UBE2W: variants seen among roughly 807,000 people sequenced by gnomAD.
UBE2W encodes the protein ubiquitin-conjugating enzyme E2 W.
Under a neutral mutation model 27.2 loss-of-function variants are expected in UBE2W, and 18 were observed. That is an observed-to-expected ratio of 0.66 (90% CI 0.46 to 0.98). UBE2W has a LOEUF of 0.98. Ranked by LOEUF, UBE2W falls within the 50% of genes least tolerant of loss-of-function variation. UBE2W has a pLI of 0.00. For synonymous variants in UBE2W, 53 were observed against 57.2 expected (o/e 0.93, Z 0.33); for missense variants, 90 against 180.2 (o/e 0.50, Z 2.87).
intron 4 of UBE2W, 94 bp from the exon 5 acceptor site, chr8:73,805,820 T>A: frequency 1.6e-6 from 1 of 626,040 alleles, no homozygotes. Context: ...ACAGAATGCA[T>A]AAAAAACAAT....
At chr8:73,832,961 G>A (rs962267023) in intron 1 of UBE2W, among the ~76,000 whole-genome samples, 31 of 152,212 alleles carry the variant, frequency 2.0e-4, no homozygotes, top group Admixed American at 1.7e-3. Context: ...AGGCCAAGGC[G>A]GGAGGATCGC....
intron 2 of UBE2W, among the ~76,000 whole-genome samples, chr8:73,827,653 C>T (rs1464359124): frequency 6.6e-6 from 1 of 152,128 alleles, no homozygotes; most frequent in Non-Finnish European, 1.5e-5. Context: ...CCTCAGACTC[C>T]CAAGTAGCTG....
intron 1 of UBE2W, among the ~76,000 whole-genome samples, chr8:73,859,207 T>C (rs1022180168): frequency 6.6e-6 from 1 of 152,134 alleles, no homozygotes; most frequent in Non-Finnish European, 1.5e-5. Context: ...ATAACAAGGA[T>C]AAAGATTTTT....
chr8:73,878,263 G>C lies in UBE2W; in HGVS notation c.15+545C>G, dbSNP rs544729607. Among the ~76,000 whole-genome samples, 44 of 152,352 alleles carry C rather than the reference G, an allele frequency of 2.9e-4. 2 individuals are homozygous for C. In the South Asian group the frequency reaches 8.7e-3, roughly 30 times the overall value. ...GGATTAAGAGTCAAAGGGAAGAAGAGAGGGACGGGGCCGAGCAGTCTGGGG... is the reference window on the plus strand; with the variant it reads ...GGATTAAGAGTCAAAGGGAAGAAGACAGGGACGGGGCCGAGCAGTCTGGGG... On this transcript the variant is annotated intron_variant, in intron 1 of 5. Transcript: ENST00000602593.
intron 1 of UBE2W, among the ~76,000 whole-genome samples, chr8:73,867,331 T>A (rs560508488): frequency 4.5e-4 from 69 of 152,204 alleles, no homozygotes; most frequent in African/African-American, 1.4e-3. Context: ...GCTCAAGAGA[T>A]AGAGACTATC....
At chr8:73,842,370 A>G (rs1266216196) in intron 1 of UBE2W, among the ~76,000 whole-genome samples, 1 of 151,694 alleles carries the variant, frequency 6.6e-6, no homozygotes, top group Non-Finnish European at 1.5e-5. Flanking sequence ...TCGACTAAAA[A>G]TACAAAAAAT....
intron 1 of UBE2W, among the ~76,000 whole-genome samples, chr8:73,834,427 A>T (rs1810220611): frequency 6.6e-6 from 1 of 152,224 alleles, no homozygotes; most frequent in Non-Finnish European, 1.5e-5. Flanking sequence ...CTTCAACAGA[A>T]CTTTCCATAT....
chr8:73,825,978 T>C (rs753544447), intron 2 of UBE2W, among the ~76,000 whole-genome samples: 38 of 152,118 alleles, frequency 2.5e-4, no homozygotes, highest in Non-Finnish European at 5.1e-4. Flanking sequence ...GTGGAAGCCA[T>C]GGAGAAATAC....
At chr8:73,814,663 C>T (rs1278102606) in intron 3 of UBE2W, among the ~76,000 whole-genome samples, 2 of 152,018 alleles carry the variant, frequency 1.3e-5, no homozygotes, top group African/African-American at 2.4e-5. Context: ...GGATTACAGG[C>T]GCACACCACC....
chr8:73,810,765 A>C (rs1809119497), intron 3 of UBE2W, 136 bp from the exon 4 acceptor site: 1 of 591,634 alleles, frequency 1.7e-6, no homozygotes, highest in Non-Finnish European at 2.6e-6. Context: ...ATGATAAACA[A>C]CTGCTTATTT....
chr8:73,860,520 A>C (rs1041120433), intron 1 of UBE2W, among the ~76,000 whole-genome samples: 1 of 152,172 alleles, frequency 6.6e-6, no homozygotes, highest in Non-Finnish European at 1.5e-5. Flanking sequence ...TAATAAAGAC[A>C]AAGTGTCTTT....
rs1191378035 is a variant in UBE2W, at chr8:73,788,861, C to T, written c.*5241G>A. 1 of 985,206 alleles carries T rather than the reference C, an allele frequency of 1.0e-6. No individual in the cohort carries two copies. The highest frequency in any genetic ancestry group is 1.7e-5 in the African/African-American group (1 of 57,190). 61.0% of individuals were successfully genotyped at this position (985,206 alleles called of 1,614,324 possible). ...TTTTCCCAGTCAACTCCTCACTCAC[C>T]ATATTAAAACTGGAGTTCTTGAGGT... On this transcript the variant is annotated 3_prime_UTR_variant, in exon 6 of 6. Coordinates refer to ENST00000602593, the MANE Select transcript of UBE2W (RefSeq NM_018299.6).
intron 5 of UBE2W, chr8:73,796,714 A>G: frequency 1.1e-6 from 1 of 943,398 alleles, no homozygotes; most frequent in African/African-American, 1.8e-5. Context: ...AGAGTTTATA[A>G]GCAAACTTTA....
At chr8:73,867,101 A>T (rs1233076561) in intron 1 of UBE2W, among the ~76,000 whole-genome samples, 2 of 152,172 alleles carry the variant, frequency 1.3e-5, no homozygotes, top group Non-Finnish European at 2.9e-5. Flanking sequence ...TAATTCAACG[A>T]AATGACAAAT....
intron 1 of UBE2W, among the ~76,000 whole-genome samples, chr8:73,842,687 T>C (rs1313400253): frequency 6.6e-6 from 1 of 151,494 alleles, no homozygotes; most frequent in African/African-American, 2.4e-5. Flanking sequence ...ACACAACATA[T>C]AAATGCACAC....
intron 2 of UBE2W, among the ~76,000 whole-genome samples, chr8:73,826,447 A>G (rs1211649576): frequency 2.0e-5 from 3 of 152,232 alleles, no homozygotes; most frequent in African/African-American, 7.2e-5. Flanking sequence ...TATTTAAAAT[A>G]CAAGAAAACA....
chr8:73,851,476 T>TAA (rs919030228), intron 1 of UBE2W, among the ~76,000 whole-genome samples: 17 of 152,306 alleles, frequency 1.1e-4, no homozygotes, highest in African/African-American at 3.9e-4. Flanking sequence ...TATACATTTT[T>TAA]AAAAATTAAA....
intron 2 of UBE2W, among the ~76,000 whole-genome samples, chr8:73,827,622 T>A (rs1809904876): frequency 6.6e-6 from 1 of 152,216 alleles, no homozygotes; most frequent in East Asian, 1.9e-4. Context: ...CTTGACCTCC[T>A]GGGCTCAAGT....
Position 73,790,889 on chromosome 8 carries a change from A to AATT in UBE2W, c.*3210_*3212dup, listed in dbSNP as rs1808161912. On this transcript the variant is annotated 3_prime_UTR_variant, in exon 6 of 6. Coordinates refer to ENST00000602593, the MANE Select transcript of UBE2W (RefSeq NM_018299.6). ...AGACACCTGTTTTAGAATCTGAAGAAATTATTATCCACCACAGGAATCTAA... is the reference window on the plus strand; with the variant it reads ...AGACACCTGTTTTAGAATCTGAAGAAATTATTATTATCCACCACAGGAATCTAA... 1 of 984,972 alleles carries AATT rather than the reference A, an allele frequency of 1.0e-6. No individual in the cohort carries two copies. The highest frequency in any genetic ancestry group is 1.7e-5 in the African/African-American group (1 of 57,226). The allele number at this position is 984,972 out of a possible 1,614,324, so 61.0% of individuals were successfully genotyped here. A position where few individuals can be genotyped will look rare whatever the true frequency, so the allele number is the denominator to read the frequency against.
Sources: gnomAD v4.1 joint callset for allele counts (sites outside exome capture counted in the v4.1 genomes callset) on GRCh38, gnomAD v4.1.1 for gene constraint, MANE v1.5 for transcripts, NCBI Gene and HGNC (gene_info 2026-07-23, HGNC 2026-07-21) for gene names.